The following PCDH11Y variants were observed in gnomAD, a reference collection of about 807,000 sequenced individuals.
The protein encoded by PCDH11Y is protocadherin-11 Y-linked.
For synonymous variants in PCDH11Y, 9 were observed against 83.6 expected (o/e 0.11, Z 4.87); for missense variants, 12 against 224.8 (o/e 0.05, Z 6.05).
Position 5,501,459 on chromosome Y carries a change from A to G in PCDH11Y, c.3328+204A>G, listed in dbSNP as rs568157297. ...TAAATGTATGATCATAACTACGCTG[A>G]ATGAAATTTATTATAGTGACTTTGT... On this transcript the variant is annotated intron_variant, in intron 3 of 4. Transcript: ENST00000400457. 6.0e-4 allele frequency among the ~76,000 whole-genome samples: 20 copies of G among 33,539 alleles called. No homozygotes were observed. In the South Asian group the frequency reaches 0.013, roughly 21 times the overall value. 90.0% of individuals were successfully genotyped at this position (33,539 alleles called of 37,273 possible).
At chrY:5,666,331 A>C (rs2124707759) in intron 4 of PCDH11Y, among the ~76,000 whole-genome samples, 1 of 33,192 alleles carries the variant, frequency 3.0e-5, no homozygotes, top group Admixed American at 2.8e-4. Context: ...GTTTTGTTAG[A>C]AAATACTATT....
intron 2 of PCDH11Y, among the ~76,000 whole-genome samples, chrY:5,116,185 A>G (rs2052810685): frequency 2.9e-5 from 1 of 34,041 alleles, no homozygotes; most frequent in South Asian, 6.4e-4. Context: ...AGACAATCTT[A>G]TATCAGGAGA....
At chrY:5,578,954 A>G (rs2053448677) in intron 3 of PCDH11Y, among the ~76,000 whole-genome samples, 1 of 33,708 alleles carries the variant, frequency 3.0e-5, no homozygotes, top group South Asian at 6.4e-4. Flanking sequence ...TATGCATAAT[A>G]AAACTGCAAC....
chrY:5,308,240 T>C (rs2053092570), intron 2 of PCDH11Y, among the ~76,000 whole-genome samples: 1 of 33,461 alleles, frequency 3.0e-5, no homozygotes, highest in Non-Finnish European at 7.4e-5. Context: ...AAATGTGTTT[T>C]ACCATCATTT....
intron 4 of PCDH11Y, among the ~76,000 whole-genome samples, chrY:5,644,072 T>C (rs2053525057): frequency 3.0e-5 from 1 of 32,977 alleles, no homozygotes; most frequent in Non-Finnish European, 7.4e-5. Flanking sequence ...CATGTGCTTG[T>C]GTCTCTAATC....
intron 1 of PCDH11Y, among the ~76,000 whole-genome samples, chrY:5,012,995 G>A (rs2052554976): frequency 7.3e-4 from 22 of 30,168 alleles, no homozygotes; most frequent in African/African-American, 2.7e-3. Context: ...GACTACAGGC[G>A]CCCGCCACTG....
At chrY:5,679,083 G>T in intron 4 of PCDH11Y, among the ~76,000 whole-genome samples, 1 of 32,670 alleles carries the variant, frequency 3.1e-5, no homozygotes, top group South Asian at 6.9e-4. Flanking sequence ...GAATGCAATT[G>T]CTAGGCAACT....
intron 2 of PCDH11Y, among the ~76,000 whole-genome samples, chrY:5,141,362 G>A: frequency 4.9e-5 from 1 of 20,457 alleles, no homozygotes; most frequent in African/African-American, 2.0e-4. Context: ...TATATACCCA[G>A]TAATGGGATG....
chrY:5,144,529 A>C, intron 2 of PCDH11Y, among the ~76,000 whole-genome samples: 1 of 33,356 alleles, frequency 3.0e-5, no homozygotes, highest in Non-Finnish European at 7.5e-5. Flanking sequence ...AATATTATTC[A>C]AAAAAGTAAT....
chrY:5,435,596 G>A (rs2053274257), intron 2 of PCDH11Y, among the ~76,000 whole-genome samples: 1 of 32,444 alleles, frequency 3.1e-5, no homozygotes, highest in African/African-American at 1.2e-4. Context: ...GATTACAGGC[G>A]TGAGCCACCG....
rs2053336886 is a variant in PCDH11Y at position 5,489,942 on chromosome Y, T to TC, written c.3130-11114dup. On this transcript the variant is annotated intron_variant, in intron 2 of 4. Transcript: ENST00000400457. Reference sequence around the variant, plus strand: ...TGAAATAATCATATTCTAAAATTGTTCTAATTAGGGTAGTCTGACATCATT... The same window carrying TC: ...TGAAATAATCATATTCTAAAATTGTTCCTAATTAGGGTAGTCTGACATCATT... 9.3e-5 allele frequency among the ~76,000 whole-genome samples: 3 copies of TC among 32,249 alleles called. No individual in the cohort carries two copies. In the East Asian group the frequency reaches 2.4e-3, roughly 26 times the overall value. 86.5% of individuals were successfully genotyped at this position (32,249 alleles called of 37,273 possible).
intron 4 of PCDH11Y, among the ~76,000 whole-genome samples, chrY:5,657,105 T>C: frequency 5.9e-5 from 2 of 33,882 alleles, no homozygotes; most frequent in East Asian, 1.5e-3. Flanking sequence ...TCAGTTTTAA[T>C]AGTTTTTGGT....
At chrY:5,028,084 C>T (rs2052581743) in intron 1 of PCDH11Y, among the ~76,000 whole-genome samples, 1 of 33,424 alleles carries the variant, frequency 3.0e-5, no homozygotes, top group Admixed American at 2.7e-4. Flanking sequence ...TAAGCTTAGG[C>T]CTACGATGAT....
Position 5,346,311 on chromosome Y carries a change from C to G in PCDH11Y, c.3130-154746C>G, listed in dbSNP as rs1602908807. Among the ~76,000 whole-genome samples the G allele has an allele frequency of 2.5e-4, 8 of 32,359 alleles. No individual in the cohort carries two copies. In the East Asian group the frequency reaches 6.7e-3, roughly 27 times the overall value. 86.8% of individuals were successfully genotyped at this position (32,359 alleles called of 37,273 possible). On this transcript the variant is annotated intron_variant, in intron 2 of 4. Transcript: ENST00000400457. ...GTGGCGCAATCTCGGCTCACTGCAACCTCCACCTTCCGTGTTCAAGCGATT... is the reference window on the plus strand; with the variant it reads ...GTGGCGCAATCTCGGCTCACTGCAAGCTCCACCTTCCGTGTTCAAGCGATT...
At chrY:5,446,882 A>ACAG (rs770563259) in intron 2 of PCDH11Y, among the ~76,000 whole-genome samples, 10 of 32,956 alleles carry the variant, frequency 3.0e-4, no homozygotes, top group Admixed American at 1.1e-3. Context: ...AGCAGCAGCA[A>ACAG]CAGCAGCAGC....
intron 2 of PCDH11Y, among the ~76,000 whole-genome samples, chrY:5,324,980 A>C (rs2053117178): frequency 1.9e-3 from 57 of 29,658 alleles, no homozygotes; most frequent in Non-Finnish European, 4.0e-3. Context: ...GGCGGGCAGG[A>C]GTGGGGGTTG....
chrY:5,716,883 C>T, intron 4 of PCDH11Y, among the ~76,000 whole-genome samples: 1 of 33,085 alleles, frequency 3.0e-5, no homozygotes, highest in Non-Finnish European at 7.5e-5. Context: ...TAAAAACAGA[C>T]ACATAGACCA....
At chrY:5,013,050 C>G (rs2124618630) in intron 1 of PCDH11Y, among the ~76,000 whole-genome samples, 2 of 30,837 alleles carry the variant, frequency 6.5e-5, no homozygotes, top group Admixed American at 3.0e-4. Flanking sequence ...GGGGTTTCAC[C>G]GTGTTCTCGA....
chrY:5,434,879 G>A (rs2053272288), intron 2 of PCDH11Y, among the ~76,000 whole-genome samples: 1 of 33,083 alleles, frequency 3.0e-5, no homozygotes, highest in African/African-American at 1.2e-4. Context: ...CCTGCAGGCT[G>A]AGAAGCATGC....
Sources: allele counts gnomAD v4.1 joint callset (sites outside exome capture counted in the v4.1 genomes callset), GRCh38; gene constraint gnomAD v4.1.1; transcripts MANE v1.5; gene names NCBI Gene and HGNC (gene_info 2026-07-23, HGNC 2026-07-21).